Variants in EYA2 observed in about 807,000 individuals in gnomAD.
EYA2 encodes the protein EYA transcriptional coactivator and phosphatase 2, also known as protein phosphatase EYA2.
EYA2 carries 31 observed loss-of-function variants against 69.2 expected under a neutral mutation model. The observed-to-expected ratio is 0.45, with a 90% confidence interval of 0.34 to 0.60. The LOEUF (loss-of-function observed/expected upper bound fraction) is 0.60, where lower values mean the gene tolerates loss of function less well. EYA2 is among the 20% of genes least tolerant of loss of function. The pLI, the probability that EYA2 is intolerant of heterozygous loss-of-function variation, is 0.02. For synonymous variants in EYA2, 257 were observed against 279.4 expected (o/e 0.92, Z 0.80); for missense variants, 622 against 701.2 (o/e 0.89, Z 1.28).
intron 1 of EYA2, among the ~76,000 whole-genome samples, chr20:46,904,387 A>C (rs977197843): frequency 6.6e-6 from 1 of 152,096 alleles, no homozygotes; most frequent in East Asian, 1.9e-4. Context: ...AAAACTGCCA[A>C]ACAGATTTAA....
chr20:46,999,440 T>A (rs1982221818), intron 2 of EYA2, among the ~76,000 whole-genome samples: 1 of 152,184 alleles, frequency 6.6e-6, no homozygotes, highest in South Asian at 2.1e-4. Flanking sequence ...ATTCGGCTAC[T>A]GTTGTTCCAT....
intron 7 of EYA2, among the ~76,000 whole-genome samples, chr20:47,081,022 G>A (rs2031694246): frequency 6.6e-6 from 1 of 152,096 alleles, no homozygotes; most frequent in African/African-American, 2.4e-5. Context: ...GTGCCACCAT[G>A]CGCAGCTAAT....
At chr20:47,145,081 G>T (rs1401983082) in intron 10 of EYA2, among the ~76,000 whole-genome samples, 1 of 152,188 alleles carries the variant, frequency 6.6e-6, no homozygotes, top group East Asian at 1.9e-4. Context: ...GGACCACTCT[G>T]TGTGATTGAC....
chr20:47,028,562 C>T (rs1455567401), intron 5 of EYA2, among the ~76,000 whole-genome samples: 1 of 152,224 alleles, frequency 6.6e-6, no homozygotes, highest in African/African-American at 2.4e-5. Context: ...TCCTCTGTGC[C>T]AGGCACTGTG....
At chr20:47,135,830 AAAAAAAAAAAACAAACAAACAAAC>A (rs1336218305) in intron 9 of EYA2, among the ~76,000 whole-genome samples, 1,535 of 85,732 alleles carry the variant, frequency 0.018, 59 homozygotes, top group East Asian at 0.086. Context: ...AAAAAAAAAA[AAAAAAAAAAAACAAACAAACAAAC>A]AAAAAACTAA....
chr20:47,161,694 G>GC (rs1368433986), intron 10 of EYA2: 2 of 197,096 alleles, frequency 1.0e-5, no homozygotes, highest in African/African-American at 2.4e-5. Flanking sequence ...AGGGCCTCCA[G>GC]CCCCCCATCC....
chr20:47,078,331 GCACACACACACACACACACA>G (rs60383949), intron 7 of EYA2, among the ~76,000 whole-genome samples: 1 of 123,734 alleles, frequency 8.1e-6, no homozygotes, highest in Non-Finnish European at 1.9e-5. Flanking sequence ...GCGCGCGCGC[GCACACACACACACACACACA>G]CACACACACA....
intron 1 of EYA2, among the ~76,000 whole-genome samples, chr20:46,934,377 G>A (rs1471084731): frequency 1.3e-5 from 2 of 152,102 alleles, no homozygotes; most frequent in Non-Finnish European, 2.9e-5. Context: ...GTGGTCCCCA[G>A]CCCTTCTAGG....
intron 1 of EYA2, among the ~76,000 whole-genome samples, chr20:46,949,006 C>G (rs58462557): frequency 6.6e-6 from 1 of 152,140 alleles, no homozygotes; most frequent in Non-Finnish European, 1.5e-5. Flanking sequence ...TAATGTTACT[C>G]GCATTGTACA....
chr20:47,143,161 T>C lies in EYA2; in HGVS notation c.978+13T>C. On this transcript the variant is annotated intron_variant, in intron 10 of 15. Transcript: ENST00000327619. Reference sequence around the variant, plus strand: ...CAATGACCTGGAGGTTTGTGGTTGCTGATTTCATTTAATATTTGCCATGTT... The same window carrying C: ...CAATGACCTGGAGGTTTGTGGTTGCCGATTTCATTTAATATTTGCCATGTT... The C allele has an allele frequency of 3.1e-6, 5 of 1,604,490 alleles. No homozygotes were observed. The highest frequency in any genetic ancestry group is 4.3e-6 in the Non-Finnish European group (5 of 1,174,260).
At chr20:47,169,729 A>G (rs1190997212) in intron 11 of EYA2, among the ~76,000 whole-genome samples, 2 of 152,112 alleles carry the variant, frequency 1.3e-5, no homozygotes, top group African/African-American at 4.8e-5. Context: ...AATGTTGAAA[A>G]TACCCTTTCT....
chr20:46,969,692 A>G (rs1472500513), intron 1 of EYA2, among the ~76,000 whole-genome samples: 9 of 152,134 alleles, frequency 5.9e-5, no homozygotes, highest in African/African-American at 1.9e-4. Context: ...CCTCAAATCT[A>G]TTTTAGGAGT....
intron 4 of EYA2, among the ~76,000 whole-genome samples, chr20:47,009,690 G>T (rs527969655): frequency 6.6e-6 from 1 of 152,132 alleles, no homozygotes; most frequent in Non-Finnish European, 1.5e-5. Flanking sequence ...AGACCACACA[G>T]TCTCTATCTC....
intron 8 of EYA2, among the ~76,000 whole-genome samples, chr20:47,093,791 A>G (rs2146513079): frequency 6.6e-6 from 1 of 152,348 alleles, no homozygotes; most frequent in East Asian, 1.9e-4. Context: ...TATGAACTAC[A>G]CAAACAGGTT....
intron 1 of EYA2, among the ~76,000 whole-genome samples, chr20:46,961,257 C>G (rs564891174): frequency 2.6e-5 from 4 of 152,064 alleles, no homozygotes; most frequent in Non-Finnish European, 4.4e-5. Context: ...ACCCAGGAGA[C>G]GGAGGTTACA....
chr20:47,062,382 A>G (rs578100786), intron 5 of EYA2, among the ~76,000 whole-genome samples: 156 of 152,296 alleles, frequency 1.0e-3, no homozygotes, highest in Non-Finnish European at 1.5e-3. Context: ...CTTGGACTGC[A>G]CAGCTGGGGC....
At chr20:47,027,684 T>C (rs1157983269) in intron 5 of EYA2, among the ~76,000 whole-genome samples, 1 of 152,168 alleles carries the variant, frequency 6.6e-6, no homozygotes, top group Admixed American at 6.5e-5. Context: ...GGAGGGAGTT[T>C]AGTTCAACAG....
chr20:47,103,973 G>A (rs1264267184), intron 9 of EYA2, among the ~76,000 whole-genome samples: 1 of 152,138 alleles, frequency 6.6e-6, no homozygotes, highest in Non-Finnish European at 1.5e-5. Context: ...AGAATTGCTG[G>A]GCCACATGGT....
chr20:46,946,213 G>C (rs1259425136), intron 1 of EYA2, among the ~76,000 whole-genome samples: 1 of 152,190 alleles, frequency 6.6e-6, no homozygotes, highest in African/African-American at 2.4e-5. Context: ...CCATCAGCGG[G>C]AGGGCTGCTT....
Sources: gnomAD v4.1 joint callset for allele counts (sites outside exome capture counted in the v4.1 genomes callset) on GRCh38, gnomAD v4.1.1 for gene constraint, MANE v1.5 for transcripts, NCBI Gene and HGNC (gene_info 2026-07-23, HGNC 2026-07-21) for gene names.